The following TUT4 variants were observed in gnomAD, a reference collection of about 807,000 sequenced individuals.
TUT4 encodes the protein terminal uridylyltransferase 4.
A neutral mutation model predicts 192.2 loss-of-function variants in TUT4; 36 were observed. The observed-to-expected ratio is 0.19, with a 90% confidence interval of 0.14 to 0.25. TUT4 has a LOEUF of 0.25. Ranked by LOEUF, TUT4 falls within the 10% of genes least tolerant of loss-of-function variation. The pLI is 1.00. For missense variants in TUT4, 1,493 were observed against 1,957.2 expected, an observed-to-expected ratio of 0.76 and a Z score of 4.47; for synonymous variants, 618 against 666.0, an observed-to-expected ratio of 0.93 and a Z score of 1.11.
chr1:52,539,293 C>T (rs919052928), intron 1 of TUT4, among the ~76,000 whole-genome samples: 1 of 152,116 alleles, frequency 6.6e-6, no homozygotes, highest in Non-Finnish European at 1.5e-5. Context: ...TGTCAGATAA[C>T]ATTCAATGTT....
rs1386535386 is a variant in TUT4 at position 52,475,169 on chromosome 1, G to T, written c.2390C>A (p.Ser797Tyr). ...ELDFADHGQD[S>Y]SSLSTSKSSE... ...GCTTTTGCTGGTAGAAAGAGATGAA[G>T]AGTCCTGTCCGTGGTCAGCAAAATC... The change falls in exon 13 of 30, where the codon TCT becomes TAT. Residue 797 changes from serine (S) to tyrosine (Y), a missense_variant. Coordinates refer to ENST00000257177, the MANE Select transcript of TUT4 (RefSeq NM_001009881.3). 6.2e-7 allele frequency: 1 copy of T among 1,613,984 alleles called. No homozygotes were observed. Among genetic ancestry groups the T allele is most frequent in the Admixed American group, 1.7e-5 (1 of 59,996 alleles).
chr1:52,425,568 C>T, intron 28 of TUT4, 61 bp from the exon 29 acceptor site: 2 of 1,509,104 alleles, frequency 1.3e-6, no homozygotes, highest in South Asian at 1.3e-5. Context: ...TTGAAATATC[C>T]CTTCATTCCA....
intron 3 of TUT4, among the ~76,000 whole-genome samples, chr1:52,513,393 C>CAAAAAACAA: frequency 2.4e-5 from 1 of 42,098 alleles, no homozygotes; most frequent in African/African-American, 1.7e-4. Context: ...GACCCTGTCT[C>CAAAAAACAA]AAAAAAAAAA....
chr1:52,483,767 G>A (rs1031892305), intron 9 of TUT4, among the ~76,000 whole-genome samples: 17 of 152,050 alleles, frequency 1.1e-4, no homozygotes, highest in African/African-American at 2.9e-4. Context: ...CTGAGATTGC[G>A]CCACTACACT....
In TUT4 at chr1:52,495,561, T is replaced by A. The variant is rs577477700; in HGVS notation, c.1178-46A>T. On this transcript the variant is annotated intron_variant, in intron 5 of 29. Coordinates refer to ENST00000257177, the MANE Select transcript of TUT4 (RefSeq NM_001009881.3). ...CAAAGCATGAAATAGCATGCAAATA[T>A]GAGAGATGTAAAAAAACAGCGACGG... 7.6e-6 allele frequency: 11 copies of A among 1,440,530 alleles called. No individual in the cohort carries two copies. The highest frequency in any genetic ancestry group is 1.1e-5 in the Non-Finnish European group (11 of 1,042,294). 89.2% of individuals were successfully genotyped at this position (1,440,530 alleles called of 1,614,324 possible).
At chr1:52,471,435 C>T (rs1665756762) in intron 14 of TUT4, among the ~76,000 whole-genome samples, 1 of 152,176 alleles carries the variant, frequency 6.6e-6, no homozygotes, top group South Asian at 2.1e-4. Context: ...GTTTACACTG[C>T]GTTTTGTTTA....
intron 1 of TUT4, among the ~76,000 whole-genome samples, chr1:52,544,101 C>T (rs976857915): frequency 7.9e-5 from 12 of 151,944 alleles, no homozygotes; most frequent in African/African-American, 2.9e-4. Flanking sequence ...TCCTGGCGAA[C>T]ATGGTGAAAC....
chr1:52,523,914 T>C (rs1352030359), intron 2 of TUT4, among the ~76,000 whole-genome samples: 3 of 152,196 alleles, frequency 2.0e-5, no homozygotes, highest in African/African-American at 2.4e-5. Context: ...CAAATAATGA[T>C]TCAGAAATAG....
chr1:52,499,453 T>A (rs1250889915), intron 4 of TUT4, among the ~76,000 whole-genome samples: 1 of 152,096 alleles, frequency 6.6e-6, no homozygotes. Context: ...AAGACAGACA[T>A]GGCTGGGCAT....
chr1:52,470,597 C>A (rs963609096), intron 14 of TUT4, among the ~76,000 whole-genome samples: 8 of 151,952 alleles, frequency 5.3e-5, no homozygotes, highest in African/African-American at 1.7e-4. Flanking sequence ...CGATACACAA[C>A]AACATAAATG....
chr1:52,484,289 TACA>T (rs1278970229), intron 9 of TUT4, among the ~76,000 whole-genome samples: 1 of 152,160 alleles, frequency 6.6e-6, no homozygotes, highest in Non-Finnish European at 1.5e-5. Context: ...AAAAATACAG[TACA>T]ACTATTTACA....
At chr1:52,462,378 A>T (rs575047402) in intron 16 of TUT4, 4 of 151,930 alleles carry the variant, frequency 2.6e-5, no homozygotes, top group Non-Finnish European at 5.9e-5. Context: ...AGTAGAGACC[A>T]GGTTTCACCG....
chr1:52,461,397 C>T (rs1027279435), intron 18 of TUT4, 116 bp downstream of exon 18: 2 of 1,156,178 alleles, frequency 1.7e-6, no homozygotes, highest in South Asian at 3.2e-5. Flanking sequence ...ATCAAGATAA[C>T]TAGTAAAATA....
chr1:52,489,067 A>G, intron 8 of TUT4, 32 bp from the exon 9 acceptor site: 1 of 1,591,890 alleles, frequency 6.3e-7, no homozygotes, highest in Non-Finnish European at 8.5e-7. Flanking sequence ...ATTTCATTGT[A>G]TTAATACCCT....
chr1:52,471,923 C>A (rs1665887678), intron 14 of TUT4, 29 bp downstream of exon 14: 1 of 1,585,188 alleles, frequency 6.3e-7, no homozygotes, highest in African/African-American at 1.4e-5. Context: ...GGAATCTAGT[C>A]CCAATAGTTG....
At chr1:52,429,940 ATGTGTG>A (rs151084510) in intron 28 of TUT4, among the ~76,000 whole-genome samples, 2 of 151,044 alleles carry the variant, frequency 1.3e-5, no homozygotes, top group Non-Finnish European at 3.0e-5. Context: ...GTGTGTATAT[ATGTGTG>A]TGTGTGTGTG....
rs778932253 is a variant in TUT4 at position 52,475,494 on chromosome 1, T to C, written c.2065A>G (p.Ser689Gly). The C allele has an allele frequency of 6.2e-7, 1 of 1,614,026 alleles. No individual in the cohort carries two copies. Among genetic ancestry groups the C allele is most frequent in the Non-Finnish European group, 8.5e-7 (1 of 1,180,012 alleles). ...ACAACATATTCGTAAACCAGCTGGC[T>C]GTTTAAGCTCCGTGCAACATTCCTC... is the stretch of plus-strand genomic sequence containing the variant. ...VKRNVARSLN[S>G]QLVYEYVVER... Residue 689 changes from serine to glycine, a missense_variant, in exon 13 of 30, where the codon AGC (serine) becomes GGC (glycine). Physicochemically the swap from Ser to Gly is moderately conservative, Grantham distance 56. Around this residue, in one of 7 missense-constraint regions of TUT4, gnomAD observed 437 missense variants for 577.6 expected, o/e 0.76. Transcript: ENST00000257177.
At chr1:52,486,438 C>T (rs1247977974) in intron 9 of TUT4, among the ~76,000 whole-genome samples, 1 of 151,988 alleles carries the variant, frequency 6.6e-6, no homozygotes, top group African/African-American at 2.4e-5. Flanking sequence ...TAATCAACTG[C>T]AATCTCATAT....
At chr1:52,448,659 T>C (rs1223610673) in intron 20 of TUT4, among the ~76,000 whole-genome samples, 1 of 151,764 alleles carries the variant, frequency 6.6e-6, no homozygotes, top group Non-Finnish European at 1.5e-5. Flanking sequence ...ACATAGGATT[T>C]CTGACCTCAA....
Sources: gnomAD v4.1 joint callset for allele counts (sites outside exome capture counted in the v4.1 genomes callset) on GRCh38, gnomAD v4.1.1 for gene constraint, gnomAD v4.1.1 regional missense constraint, MANE v1.5 for transcripts, NCBI Gene and HGNC (gene_info 2026-07-23, HGNC 2026-07-21) for gene names.